RARA: variants seen among roughly 807,000 people sequenced by gnomAD.
RARA encodes retinoic acid receptor alpha.
Under a neutral mutation model 42.8 loss-of-function variants are expected in RARA, and 5 were observed. That is an observed-to-expected ratio of 0.12 (90% CI 0.06 to 0.25). The LOEUF (loss-of-function observed/expected upper bound fraction) is 0.25, where lower values mean the gene tolerates loss of function less well. Among genes scored for constraint, RARA ranks in the 10% least tolerant of loss-of-function variants. RARA has a pLI of 1.00. For missense variants in RARA, 402 were observed against 628.7 expected (o/e 0.64, Z 3.86); for synonymous variants, 256 against 259.5 (o/e 0.99, Z 0.13).
intron 1 of RARA, among the ~76,000 whole-genome samples, chr17:40,330,210 GGC>G (rs2033655143): frequency 6.6e-6 from 1 of 152,090 alleles, no homozygotes; most frequent in African/African-American, 2.4e-5. Context: ...AGGCTTCCTG[GGC>G]GGTCCTTGCC....
chr17:40,346,008 C>G (rs1231415687), intron 2 of RARA, among the ~76,000 whole-genome samples: 1 of 152,176 alleles, frequency 6.6e-6, no homozygotes, highest in Non-Finnish European at 1.5e-5. Context: ...AGGTAGGGGG[C>G]AGGCTATGTT....
rs144575628 is a variant in RARA, at chr17:40,320,055, C to T, written c.-363+10769C>T. Among the ~76,000 whole-genome samples, 21 of 152,130 alleles carry T rather than the reference C, an allele frequency of 1.4e-4. No individual in the cohort carries two copies. The highest frequency in any genetic ancestry group is 5.1e-4 in the African/African-American group (21 of 41,490). ...CAGGAGGGTCAGACTGGAGTAGCCT[C>T]TTGGGAGCTGAGGATCTTGGATTTG... On this transcript the variant is annotated intron_variant, in intron 1 of 8. Coordinates refer to ENST00000254066, the MANE Select transcript of RARA (RefSeq NM_000964.4). The surrounding 1 kb of genome is among the most constrained non-coding windows in gnomAD (Gnocchi z 4.1).
At chr17:40,332,126 C>A (rs573609955) in intron 2 of RARA, among the ~76,000 whole-genome samples, 1 of 152,186 alleles carries the variant, frequency 6.6e-6, no homozygotes, top group African/African-American at 2.4e-5. Flanking sequence ...GCCGGCTGGC[C>A]GAGCCAGGTA....
At chr17:40,315,206 ATTTAT>A (rs1410044166) in intron 1 of RARA, among the ~76,000 whole-genome samples, 10 of 141,590 alleles carry the variant, frequency 7.1e-5, no homozygotes, top group Admixed American at 5.1e-4. Flanking sequence ...GTATATATTT[ATTTAT>A]TTTAACAAAA....
At chr17:40,329,400 T>C (rs1324825290) in intron 1 of RARA, among the ~76,000 whole-genome samples, 2 of 151,758 alleles carry the variant, frequency 1.3e-5, no homozygotes, top group Non-Finnish European at 2.9e-5. Flanking sequence ...TCCACCTCCC[T>C]GGTTCAAGCG....
intron 2 of RARA, among the ~76,000 whole-genome samples, chr17:40,339,098 C>T (rs766600345): frequency 1.3e-5 from 2 of 152,218 alleles, no homozygotes; most frequent in Non-Finnish European, 2.9e-5. Context: ...AGGCCACGGT[C>T]GCCTGCTTCC....
At chr17:40,315,174 A>G (rs966125117) in intron 1 of RARA, among the ~76,000 whole-genome samples, 1 of 135,464 alleles carries the variant, frequency 7.4e-6, no homozygotes, top group Non-Finnish European at 1.6e-5. Flanking sequence ...ATATATATAC[A>G]CACACACACA....
chr17:40,339,424 G>A (rs529315015), intron 2 of RARA, among the ~76,000 whole-genome samples: 1 of 152,254 alleles, frequency 6.6e-6, no homozygotes, highest in Non-Finnish European at 1.5e-5. Flanking sequence ...GACAGCTGCC[G>A]CTGGAGGCCC....
intron 1 of RARA, among the ~76,000 whole-genome samples, chr17:40,319,245 A>G (rs1228612418): frequency 1.3e-5 from 2 of 152,078 alleles, no homozygotes; most frequent in Non-Finnish European, 2.9e-5. Context: ...GCCTATTGTC[A>G]GGCTGCTCCT....
chr17:40,341,497 C>T (rs1352222960), intron 2 of RARA: 8 of 1,491,458 alleles, frequency 5.4e-6, no homozygotes, highest in Admixed American at 2.4e-5. Context: ...CGACCCGGCC[C>T]TACGCCTCCT....
In RARA at chr17:40,351,770, G is replaced by A; in HGVS notation, c.470-140G>A. 8.7e-7 allele frequency: 1 copy of A among 1,145,622 alleles called. No individual in the cohort carries two copies. Among genetic ancestry groups the A allele is most frequent in the Middle Eastern group, 2.8e-4 (1 of 3,530 alleles). 71.0% of individuals were successfully genotyped at this position (1,145,622 alleles called of 1,614,324 possible). On this transcript the variant is annotated intron_variant, in intron 4 of 8. Transcript: ENST00000254066. This position sits in a 1 kb window ranked among gnomAD's most constrained non-coding sequence, Gnocchi z 4.1. ...TGGAGTGCGTGGCAATGCCTTGCCT[G>A]CCCGTGAACGCGTGCTGTGTGCGCG...
intron 4 of RARA, 71 bp downstream of exon 4, chr17:40,349,996 G>A: frequency 6.3e-7 from 1 of 1,580,842 alleles, no homozygotes; most frequent in Non-Finnish European, 8.6e-7. Context: ...GACCAAGGGA[G>A]CAGGGCTCTG....
Position 40,341,851 on chromosome 17 carries a change from G to A in RARA, c.179-6465G>A, listed in dbSNP as rs79524876. The A allele has an allele frequency of 1.1e-3, 1,168 of 1,045,030 alleles. 1 individual carries two copies. Among genetic ancestry groups the A allele is most frequent in the Non-Finnish European group, 1.4e-3 (1,112 of 808,770 alleles). 64.7% of individuals were successfully genotyped at this position (1,045,030 alleles called of 1,614,324 possible). ...GGAACTGGTACAAGGGAGGACGCCC[G>A]CCCCTCTTCCGTCCTTGTCCCCTCG... On this transcript the variant is annotated intron_variant, in intron 2 of 8. Coordinates refer to ENST00000254066, the MANE Select transcript of RARA (RefSeq NM_000964.4).
At chr17:40,315,604 C>T (rs1210195187) in intron 1 of RARA, among the ~76,000 whole-genome samples, 1 of 152,016 alleles carries the variant, frequency 6.6e-6, no homozygotes, top group Non-Finnish European at 1.5e-5. Context: ...CTTGGAGGGC[C>T]AATTGCTTCT....
chr17:40,347,596 AC>A (rs1387540723), intron 2 of RARA, among the ~76,000 whole-genome samples: 5 of 151,768 alleles, frequency 3.3e-5, no homozygotes, highest in Non-Finnish European at 5.9e-5. Flanking sequence ...ATGGGAACAG[AC>A]CCCCTTTGTC....
At position 40,352,203 on chromosome 17, in the gene RARA, C is replaced by T; in HGVS notation, c.631-128C>T. 6.7e-7 allele frequency: 1 copy of T among 1,497,326 alleles called. No homozygotes were observed. Among genetic ancestry groups the T allele is most frequent in the East Asian group, 2.3e-5 (1 of 43,206 alleles). The allele number at this position is 1,497,326 out of a possible 1,614,324, so 92.8% of individuals were successfully genotyped here. On this transcript the variant is annotated intron_variant, in intron 5 of 8. Coordinates refer to ENST00000254066, the MANE Select transcript of RARA (RefSeq NM_000964.4). This position sits in a 1 kb window ranked among gnomAD's most constrained non-coding sequence, Gnocchi z 4.9. ...TCCCTTCCCCTCTCTTCTCCCTCCTCCTGCTGCCTCTTCCCAAGGAGCTCC... is the reference window on the plus strand; with the variant it reads ...TCCCTTCCCCTCTCTTCTCCCTCCTTCTGCTGCCTCTTCCCAAGGAGCTCC...
At chr17:40,348,608 C>A in intron 3 of RARA, 144 bp downstream of exon 3, 1 of 1,073,912 alleles carries the variant, frequency 9.3e-7, no homozygotes, top group Non-Finnish European at 1.3e-6. Context: ...CAAGCAGGGA[C>A]ACCTACCACA....
chr17:40,353,091 C>T (rs540059159), intron 6 of RARA, among the ~76,000 whole-genome samples: 1 of 152,236 alleles, frequency 6.6e-6, no homozygotes, highest in East Asian at 1.9e-4. Flanking sequence ...TGGGGGAGGG[C>T]TTGTGACTGC....
Position 40,354,304 on chromosome 17 carries a change from C to T in RARA, c.810C>T (p.Ile270=), listed in dbSNP as rs1259217125. 3 of 1,613,940 alleles carry T rather than the reference C, an allele frequency of 1.9e-6. No homozygotes were observed. The highest frequency in any genetic ancestry group is 1.7e-5 in the Admixed American group (1 of 60,024). The change falls in exon 7 of 9, where the codon ATC becomes ATT. Residue 270 remains isoleucine (I), a splice_region_variant and synonymous_variant. Coordinates refer to ENST00000254066, the MANE Select transcript of RARA (RefSeq NM_000964.4). This position sits in a 1 kb window ranked among gnomAD's most constrained non-coding sequence, Gnocchi z 4.5. ...LLKAACLDIL[I]LRICTRYTPE... is the part of the protein sequence containing the mutation. ...ACCCAAGCATCCTCTGCACCCAGAT[C>T]CTGCGGATCTGCACGCGGTACACGC...
Sources: gnomAD v4.1 joint callset for allele counts (sites outside exome capture counted in the v4.1 genomes callset) on GRCh38, gnomAD v4.1.1 for gene constraint, Gnocchi (gnomAD v3.1) non-coding constraint, MANE v1.5 for transcripts, NCBI Gene and HGNC (gene_info 2026-07-23, HGNC 2026-07-21) for gene names.